The following PAX2 variants were observed in gnomAD, a reference collection of about 807,000 sequenced individuals.
PAX2 encodes paired box 2.
PAX2 carries 9 observed loss-of-function variants against 41.7 expected under a neutral mutation model. The observed-to-expected ratio is 0.22, with a 90% CI of 0.13 to 0.38. The LOEUF (loss-of-function observed/expected upper bound fraction) is 0.38. PAX2 is among the 10% of genes least tolerant of loss of function. The probability of loss-of-function intolerance (pLI) is 1.00; values close to 1 mark genes in which losing one functional copy is unlikely to be tolerated. For synonymous variants in PAX2, 221 were observed against 212.7 expected, an observed-to-expected ratio of 1.04 and a Z score of -0.34; for missense variants, 418 against 531.6, an observed-to-expected ratio of 0.79 and a Z score of 2.10.
rs1288095212 is a variant in PAX2 at position 100,828,648 on chromosome 10, C to T, written c.*1029C>T. 4.3e-6 allele frequency: 1 copy of T among 233,420 alleles called. No individual in the cohort carries two copies. Among genetic ancestry groups the T allele is most frequent in the African/African-American group, 2.2e-5 (1 of 45,332 alleles). 14.5% of individuals were successfully genotyped at this position (233,420 alleles called of 1,614,324 possible). On this transcript the variant is annotated 3_prime_UTR_variant, in exon 10 of 10. Coordinates refer to ENST00000355243, the MANE Select transcript of PAX2 (RefSeq NM_000278.5). This position sits in a 1 kb window ranked among gnomAD's most constrained non-coding sequence, Gnocchi z 6.5. ...TGCCCCCTCCCCCGACACAGACTCTCAATCTGCCGGTGGTAAGAACCGGTT... is the reference window on the plus strand; with the variant it reads ...TGCCCCCTCCCCCGACACAGACTCTTAATCTGCCGGTGGTAAGAACCGGTT...
intron 3 of PAX2, among the ~76,000 whole-genome samples, chr10:100,759,499 C>T (rs1195216857): frequency 6.6e-6 from 1 of 152,114 alleles, no homozygotes; most frequent in Non-Finnish European, 1.5e-5. Flanking sequence ...GGGAGGCAGG[C>T]CCCTGCCTGC....
upstream of PAX2, among the ~76,000 whole-genome samples, chr10:100,741,454 G>A (rs1844954632): frequency 6.6e-6 from 1 of 150,638 alleles, no homozygotes; most frequent in African/African-American, 2.4e-5. Flanking sequence ...TGACCAGAGG[G>A]CCAGGCAGGG....
In PAX2 at chr10:100,805,731, C is replaced by T. The variant is rs111703002; in HGVS notation, c.617-699C>T. Among the ~76,000 whole-genome samples the T allele has an allele frequency of 1.6e-3, 238 of 152,262 alleles. 1 individual carries two copies. Among genetic ancestry groups the T allele is most frequent in the African/African-American group, 5.3e-3 (220 of 41,552 alleles). ...CTGGGTCTAGGTTGGAGACAGAGGC[C>T]GAGAAGGCGGCCAGGGCATAGAGGC... On this transcript the variant is annotated intron_variant, in intron 5 of 9. Transcript: ENST00000355243.
At chr10:100,814,592 A>C (rs1281495240) in intron 7 of PAX2, among the ~76,000 whole-genome samples, 2 of 152,240 alleles carry the variant, frequency 1.3e-5, no homozygotes, top group Non-Finnish European at 2.9e-5. Flanking sequence ...CCAGGCTCCC[A>C]GACTGCTAAG....
chr10:100,740,353 A>T (rs565239122), intron 1 of PAX2, among the ~76,000 whole-genome samples: 20 of 152,212 alleles, frequency 1.3e-4, no homozygotes, highest in African/African-American at 4.8e-4. Flanking sequence ...AGGAAGTGGG[A>T]ATGGAGGAGT....
chr10:100,767,698 A>C (rs1846074216), intron 3 of PAX2, among the ~76,000 whole-genome samples: 1 of 152,148 alleles, frequency 6.6e-6, no homozygotes, highest in African/African-American at 2.4e-5. Flanking sequence ...CACCCTCCCA[A>C]ATTGCTTATT....
chr10:100,787,455 G>A (rs1468806788), intron 5 of PAX2, among the ~76,000 whole-genome samples: 1 of 152,190 alleles, frequency 6.6e-6, no homozygotes, highest in Non-Finnish European at 1.5e-5. Context: ...AGGGAGGTGG[G>A]AGGGCCGGAT....
intron 7 of PAX2, among the ~76,000 whole-genome samples, chr10:100,814,975 T>C (rs1396427766): frequency 6.6e-6 from 1 of 152,206 alleles, no homozygotes; most frequent in Non-Finnish European, 1.5e-5. Flanking sequence ...GGGACCAGTG[T>C]GAGCAGTGTG....
chr10:100,780,884 G>A (rs1345917831), intron 4 of PAX2, among the ~76,000 whole-genome samples: 1 of 152,200 alleles, frequency 6.6e-6, no homozygotes, highest in Non-Finnish European at 1.5e-5. Context: ...CTCTCTAGAG[G>A]ACCATGGAGG....
chr10:100,809,301 C>G lies in PAX2; in HGVS notation c.919+65C>G, dbSNP rs1327262084. 6 of 1,501,766 alleles carry G rather than the reference C, an allele frequency of 4.0e-6. No homozygotes were observed. In the Admixed American group the frequency reaches 1.0e-4, roughly 25 times the overall value. 93.0% of individuals were successfully genotyped at this position (1,501,766 alleles called of 1,614,324 possible). A position where few individuals can be genotyped will look rare whatever the true frequency, so the allele number is the denominator to read the frequency against. ...TGGAGGGTGCCTCAGCCCATGCCAT[C>G]TGAGGCCCAGTGTGAGGAGCAGGTC... is the stretch of plus-strand genomic sequence containing the variant. On this transcript the variant is annotated intron_variant, in intron 7 of 9. Transcript: ENST00000355243.
chr10:100,784,664 C>A (rs930794835), intron 5 of PAX2, among the ~76,000 whole-genome samples: 3 of 152,322 alleles, frequency 2.0e-5, no homozygotes, highest in South Asian at 2.1e-4. Context: ...ACAATCTCAG[C>A]AGTAGTTATT....
At chr10:100,819,762 G>A (rs1482452753) in intron 7 of PAX2, among the ~76,000 whole-genome samples, 1 of 152,166 alleles carries the variant, frequency 6.6e-6, no homozygotes, top group African/African-American at 2.4e-5. Context: ...GGTGAAAGTA[G>A]CACAAATTAC....
At chr10:100,743,108 G>A (rs1564701785), upstream of PAX2, among the ~76,000 whole-genome samples, 1 of 151,902 alleles carries the variant, frequency 6.6e-6, no homozygotes, top group Non-Finnish European at 1.5e-5. Flanking sequence ...AAGCGGCCAG[G>A]AGCCGGCCTG....
At chr10:100,762,389 G>T (rs563909364) in intron 3 of PAX2, among the ~76,000 whole-genome samples, 10 of 152,190 alleles carry the variant, frequency 6.6e-5, no homozygotes, top group South Asian at 2.1e-4. Flanking sequence ...GTGCATGCAC[G>T]CCTGCACGCA....
At chr10:100,774,132 C>G (rs1298165011) in intron 3 of PAX2, among the ~76,000 whole-genome samples, 1 of 152,120 alleles carries the variant, frequency 6.6e-6, no homozygotes, top group Non-Finnish European at 1.5e-5. Context: ...AGTAAGAATG[C>G]CTGGTGCTCT....
intron 3 of PAX2, among the ~76,000 whole-genome samples, chr10:100,758,634 G>T (rs1845724985): frequency 6.6e-6 from 1 of 152,238 alleles, no homozygotes; most frequent in Non-Finnish European, 1.5e-5. Flanking sequence ...ATGAAAAGTG[G>T]TGAGAACTGG....
intron 5 of PAX2, chr10:100,786,936 G>T: frequency 7.2e-7 from 1 of 1,380,424 alleles, no homozygotes. Flanking sequence ...TCTCTTATTT[G>T]CTCTAGTTGA....
At chr10:100,735,808 C>G (rs1844764534) in intron 1 of PAX2, 4 of 923,346 alleles carry the variant, frequency 4.3e-6, no homozygotes, top group Non-Finnish European at 5.2e-6. Flanking sequence ...ATGGCCGGGG[C>G]GGGCTCCTCT....
In PAX2 at chr10:100,739,664, G is replaced by A. The variant is rs118073059; in HGVS notation, c.25+3931G>A. 7.7e-4 allele frequency among the ~76,000 whole-genome samples: 117 copies of A among 152,282 alleles called. No homozygotes were observed. In the East Asian group the frequency reaches 0.019, roughly 24 times the overall value. ...GTGTGCTTCCCTGGCCCTGCTCTCC[G>A]TTCCCTTTCGGCCGCCCCCGGCTGT... On this transcript the variant is annotated intron_variant, in intron 1 of 9. Coordinates refer to the PAX2 transcript ENST00000679374.
Sources: gnomAD v4.1 joint callset for allele counts (sites outside exome capture counted in the v4.1 genomes callset) on GRCh38, gnomAD v4.1.1 for gene constraint, Gnocchi (gnomAD v3.1) non-coding constraint, MANE v1.5 for transcripts, NCBI Gene and HGNC (gene_info 2026-07-23, HGNC 2026-07-21) for gene names.